The following RAB17 variants were observed in gnomAD, a reference collection of about 807,000 sequenced individuals.
RAB17 encodes RAB17, member RAS oncogene family, also known as ras-related protein Rab-17.
RAB17 carries 15 observed loss-of-function variants against 19.3 expected under a neutral mutation model. That is an observed-to-expected ratio of 0.78 (90% confidence interval 0.52 to 1.20). RAB17 has a LOEUF of 1.20. Among genes scored for constraint, RAB17 ranks in the 50% most tolerant of loss-of-function variants. The pLI is 0.00. For missense variants in RAB17, 262 were observed against 269.3 expected (o/e 0.97, Z 0.19); for synonymous variants, 110 against 112.8 (o/e 0.97, Z 0.16).
intron 1 of RAB17, among the ~76,000 whole-genome samples, chr2:237,587,016 T>C (rs2081355968): frequency 6.6e-6 from 1 of 152,266 alleles, no homozygotes. Context: ...CGGATGTTGC[T>C]GATTACACCC....
chr2:237,579,774 C>T (rs1280932532), intron 2 of RAB17, among the ~76,000 whole-genome samples: 2 of 68,126 alleles, frequency 2.9e-5, no homozygotes, highest in Non-Finnish European at 5.0e-5. Flanking sequence ...CTGGACAGAG[C>T]TTTCCAGCAT....
Position 237,586,136 on chromosome 2 carries a change from T to A in RAB17, c.19A>T (p.Thr7Ser). The change falls in exon 2 of 6, where the codon ACC (threonine) becomes TCC (serine). Residue 7 changes from threonine to serine, a missense_variant. By Grantham distance (58) the Thr-to-Ser change is moderately conservative. Coordinates refer to ENST00000264601, the MANE Select transcript of RAB17 (RefSeq NM_022449.4). MAQAHR[T>S]PQPRAAPSQP... ...CTGGGGGCAGCCCTGGGCTGGGGGG[T>A]CCTGTGTGCCTGTGCCATGCCCTGC... 1 of 1,602,236 alleles carries A rather than the reference T, an allele frequency of 6.2e-7. No homozygotes were observed. Among genetic ancestry groups the A allele is most frequent in the South Asian group, 1.1e-5 (1 of 89,422 alleles).
intron 2 of RAB17, chr2:237,585,368 G>A (rs2081341550): frequency 5.9e-6 from 1 of 169,102 alleles, no homozygotes; most frequent in African/African-American, 2.4e-5. Context: ...TGCCTAGGCA[G>A]ACTGTGCCCA....
intron 1 of RAB17, among the ~76,000 whole-genome samples, chr2:237,587,683 A>T (rs2081360351): frequency 1.3e-5 from 2 of 152,176 alleles, no homozygotes; most frequent in Admixed American, 1.3e-4. Context: ...ATCAGAGAAG[A>T]AGGGTTCCAC....
At chr2:237,590,050 T>A (rs2081381167) in intron 1 of RAB17, among the ~76,000 whole-genome samples, 1 of 151,934 alleles carries the variant, frequency 6.6e-6, no homozygotes, top group African/African-American at 2.4e-5. Flanking sequence ...TAAAAAGGAG[T>A]TTACAAGAAA....
At chr2:237,580,640 G>A (rs1231020200) in intron 2 of RAB17, among the ~76,000 whole-genome samples, 2 of 152,128 alleles carry the variant, frequency 1.3e-5, no homozygotes, top group Admixed American at 1.3e-4. Flanking sequence ...TCGGGAGGCC[G>A]AAGCAGGAGA....
rs2081254503 is a variant in RAB17, at chr2:237,575,486, G to A, written c.436-6C>T. 2 of 1,605,316 alleles carry A rather than the reference G, an allele frequency of 1.2e-6. No individual in the cohort carries two copies. Among genetic ancestry groups the A allele is most frequent in the Non-Finnish European group, 1.7e-6 (2 of 1,175,472 alleles). ...TCGGCAAACTCCTTCCCTTCCTGAAGGAAACAGCCACAAAATCCAGCGCTG... is the reference window on the plus strand; with the variant it reads ...TCGGCAAACTCCTTCCCTTCCTGAAAGAAACAGCCACAAAATCCAGCGCTG... On this transcript the variant is annotated splice_region_variant and splice_polypyrimidine_tract_variant and intron_variant, in intron 4 of 5. Transcript: ENST00000264601.
chr2:237,584,452 T>G (rs1187923282), intron 2 of RAB17, among the ~76,000 whole-genome samples: 1 of 152,142 alleles, frequency 6.6e-6, no homozygotes, highest in African/African-American at 2.4e-5. Context: ...GGGTCACTGC[T>G]GCAACCACTC....
At chr2:237,576,672 T>C (rs1450184522) in intron 4 of RAB17, 1 of 471,162 alleles carries the variant, frequency 2.1e-6, no homozygotes, top group Non-Finnish European at 4.4e-6. Flanking sequence ...TGTCTGCAGC[T>C]GTTTACACGG....
chr2:237,588,035 T>C (rs1559399486), intron 1 of RAB17, among the ~76,000 whole-genome samples: 1 of 152,134 alleles, frequency 6.6e-6, no homozygotes, highest in East Asian at 1.9e-4. Flanking sequence ...ACACAGCACC[T>C]GTGCTTTGAA....
intron 2 of RAB17, chr2:237,579,533 CTG>C (rs2081292557): frequency 6.6e-6 from 1 of 152,292 alleles, no homozygotes; most frequent in Admixed American, 6.5e-5. Flanking sequence ...GGCTGCCCCT[CTG>C]TGGCTGTGTC....
chr2:237,583,326 C>CAA (rs201023884), intron 2 of RAB17, among the ~76,000 whole-genome samples: 1 of 151,936 alleles, frequency 6.6e-6, no homozygotes, highest in African/African-American at 2.4e-5. Context: ...GACTCTGTCT[C>CAA]AAAAAAATTA....
At chr2:237,588,059 T>G (rs2081364488) in intron 1 of RAB17, among the ~76,000 whole-genome samples, 1 of 151,902 alleles carries the variant, frequency 6.6e-6, no homozygotes, top group Non-Finnish European at 1.5e-5. Context: ...TCCACCTGGA[T>G]TGAGGATGAT....
Position 237,574,942 on chromosome 2 carries a change from T to C in RAB17, c.*77A>G, listed in dbSNP as rs1280236227. 2 of 1,163,046 alleles carry C rather than the reference T, an allele frequency of 1.7e-6. No homozygotes were observed. The highest frequency in any genetic ancestry group is 3.2e-5 in the African/African-American group (2 of 62,472). The allele number at this position is 1,163,046 out of a possible 1,614,324, so 72.0% of individuals were successfully genotyped here. A position where few individuals can be genotyped will look rare whatever the true frequency, so the allele number is the denominator to read the frequency against. On this transcript the variant is annotated 3_prime_UTR_variant, in exon 6 of 6. Transcript: ENST00000264601. ...CTCGGGAGCAACCCAGCATTGACAG[T>C]GAATCAGAATCCACCTAGAGCTGGC...
rs139945713 is a variant in RAB17, at chr2:237,582,875, G to A, written c.157+3123C>T. 2.7e-3 allele frequency among the ~76,000 whole-genome samples: 410 copies of A among 152,360 alleles called. 2 individuals carry two copies. Among genetic ancestry groups the A allele is most frequent in the African/African-American group, 9.4e-3 (389 of 41,584 alleles). On this transcript the variant is annotated intron_variant, in intron 2 of 5. Transcript: ENST00000264601. ...ATTAACATACACTTTGGGAGGCCAA[G>A]GGTGGTGGATTCCTTGAGGTCAGGA...
At chr2:237,586,980 T>C (rs2081355702) in intron 1 of RAB17, among the ~76,000 whole-genome samples, 1 of 152,196 alleles carries the variant, frequency 6.6e-6, no homozygotes, top group African/African-American at 2.4e-5. Flanking sequence ...GTTGAAGAAA[T>C]CAGGTTGTCC....
At position 237,574,680 on chromosome 2, in the gene RAB17, G is replaced by A. The variant is rs1055582423; in HGVS notation, c.*339C>T. On this transcript the variant is annotated 3_prime_UTR_variant, in exon 6 of 6. Transcript: ENST00000264601. ...AGACGTAAGGCATCTTCCCACCGTC[G>A]CTGTGCTGCGGGGACTTTTCCAATC... The A allele has an allele frequency of 8.3e-6, 12 of 1,447,394 alleles. No homozygotes were observed. The highest frequency in any genetic ancestry group is 6.1e-5 in the South Asian group (4 of 66,036). The allele number at this position is 1,447,394 out of a possible 1,614,324, so 89.7% of individuals were successfully genotyped here. A position where few individuals can be genotyped will look rare whatever the true frequency, so the allele number is the denominator to read the frequency against.
chr2:237,576,985 CTT>C (rs1434772069), intron 4 of RAB17, among the ~76,000 whole-genome samples: 1 of 152,138 alleles, frequency 6.6e-6, no homozygotes, highest in Non-Finnish European at 1.5e-5. Context: ...GACCGGAAAT[CTT>C]TGACTAAAAG....
At chr2:237,581,185 T>G (rs1574935105) in intron 2 of RAB17, among the ~76,000 whole-genome samples, 1 of 152,152 alleles carries the variant, frequency 6.6e-6, no homozygotes, top group Non-Finnish European at 1.5e-5. Context: ...GCTCAGGAGC[T>G]TAAGATCAGT....
Sources: gnomAD v4.1 joint callset for allele counts (sites outside exome capture counted in the v4.1 genomes callset) on GRCh38, gnomAD v4.1.1 for gene constraint, MANE v1.5 for transcripts, NCBI Gene and HGNC (gene_info 2026-07-23, HGNC 2026-07-21) for gene names.